Variants in ZNF44 observed in about 807,000 individuals in gnomAD.
The protein encoded by ZNF44 is zinc finger protein 44, also known as gonadotropin inducible transcription repressor-2.
A neutral mutation model predicts 11.7 loss-of-function variants in ZNF44; 9 were observed. The ratio of observed to expected loss-of-function variants is 0.77; its 90% CI spans 0.46 to 1.35. ZNF44 has a LOEUF of 1.35. Ranked by LOEUF, ZNF44 falls within the 40% of genes most tolerant of loss-of-function variation. The pLI is 0.00. For synonymous variants in ZNF44, 224 were observed against 242.7 expected, an observed-to-expected ratio of 0.92 and a Z score of 0.72; for missense variants, 696 against 743.1, an observed-to-expected ratio of 0.94 and a Z score of 0.74.
At chr19:12,255,351 C>T (rs1917204873) in intron 5 of ZNF44, among the ~76,000 whole-genome samples, 2 of 151,796 alleles carry the variant, frequency 1.3e-5, no homozygotes, top group African/African-American at 4.8e-5. Context: ...AAAGCCAGCT[C>T]TTTGAAAAGA....
At chr19:12,260,299 G>C in intron 5 of ZNF44, 1 of 848,410 alleles carries the variant, frequency 1.2e-6, no homozygotes, top group South Asian at 1.4e-5. Context: ...GAGGACAAAG[G>C]TGTGGTGGTG....
intron 6 of ZNF44, chr19:12,242,627 G>A (rs1019875758): frequency 1.4e-5 from 2 of 147,628 alleles, no homozygotes; most frequent in Non-Finnish European, 3.0e-5. Flanking sequence ...AACCTGTCTG[G>A]GCAATATAGT....
At chr19:12,276,243 C>T in intron 1 of ZNF44, 161 bp from the exon 2 acceptor site, 1 of 1,132,444 alleles carries the variant, frequency 8.8e-7, no homozygotes, top group Non-Finnish European at 1.3e-6. Flanking sequence ...CTGTCTGATG[C>T]TGGAATTCTG....
upstream of ZNF44, among the ~76,000 whole-genome samples, chr19:12,238,666 C>T (rs1242137058): frequency 2.0e-5 from 3 of 149,522 alleles, no homozygotes; most frequent in Non-Finnish European, 4.4e-5. Flanking sequence ...CATGGTGGCA[C>T]GTGCCTGTAA....
intron 2 of ZNF44, 96 bp from the exon 3 acceptor site, chr19:12,275,129 T>C (rs1474270910): frequency 1.2e-6 from 1 of 869,038 alleles, no homozygotes; most frequent in Non-Finnish European, 1.7e-6. Flanking sequence ...TATGATTCAT[T>C]CATTGAACTA....
At chr19:12,261,755 C>A (rs530086464) in intron 5 of ZNF44, among the ~76,000 whole-genome samples, 1 of 152,242 alleles carries the variant, frequency 6.6e-6, no homozygotes, top group African/African-American at 2.4e-5. Flanking sequence ...AAGTTATTAT[C>A]AAAACTGGTT....
chr19:12,260,766 C>A (rs1371976985), intron 5 of ZNF44, among the ~76,000 whole-genome samples: 1 of 152,136 alleles, frequency 6.6e-6, no homozygotes, highest in African/African-American at 2.4e-5. Context: ...GAACCTAGAA[C>A]CAGACTTGGT....
intron 5 of ZNF44, among the ~76,000 whole-genome samples, chr19:12,252,548 T>C (rs1917050245): frequency 6.6e-6 from 1 of 152,180 alleles, no homozygotes; most frequent in Non-Finnish European, 1.5e-5. Context: ...AAAGTAATAA[T>C]AGCTACAACA....
chr19:12,236,403 T>A (rs945852553), intron 1 of ZNF44, among the ~76,000 whole-genome samples: 4 of 152,204 alleles, frequency 2.6e-5, no homozygotes, highest in Non-Finnish European at 5.9e-5. Flanking sequence ...GCTTGTAAAT[T>A]ACCAATTTAG....
At chr19:12,257,896 G>A (rs905992421) in intron 5 of ZNF44, among the ~76,000 whole-genome samples, 8 of 151,644 alleles carry the variant, frequency 5.3e-5, no homozygotes, top group East Asian at 1.9e-4. Flanking sequence ...ACTTGAACCC[G>A]GCTGGTGGAG....
intron 1 of ZNF44, among the ~76,000 whole-genome samples, chr19:12,285,981 T>G (rs1389353761): frequency 6.6e-6 from 1 of 151,404 alleles, no homozygotes; most frequent in Non-Finnish European, 1.5e-5. Flanking sequence ...ATCACGCCAC[T>G]GCACTCTAGC....
At chr19:12,266,202 C>T (rs1568437108) in intron 5 of ZNF44, 4 of 967,690 alleles carry the variant, frequency 4.1e-6, no homozygotes, top group Non-Finnish European at 4.9e-6. Flanking sequence ...CGCAGGGAGG[C>T]CCGGGTCCCG....
At chr19:12,229,102 T>G (rs1169491333) in intron 3 of ZNF44, among the ~76,000 whole-genome samples, 6 of 152,216 alleles carry the variant, frequency 3.9e-5, no homozygotes, top group Admixed American at 3.9e-4. Flanking sequence ...AGCACTTATT[T>G]TTTTTGCCAA....
At chr19:12,268,162 A>T (rs904018463), downstream of ZNF44, among the ~76,000 whole-genome samples, 3 of 143,530 alleles carry the variant, frequency 2.1e-5, no homozygotes, top group Non-Finnish European at 4.6e-5. Context: ...ACACACACAC[A>T]CACACACACA....
chr19:12,278,704 G>C (rs977419181), intron 1 of ZNF44, among the ~76,000 whole-genome samples: 4 of 150,930 alleles, frequency 2.7e-5, no homozygotes, highest in Non-Finnish European at 5.9e-5. Context: ...TCAAGTCTGA[G>C]TGAAAGAGTG....
intron 5 of ZNF44, among the ~76,000 whole-genome samples, chr19:12,261,856 T>A (rs1238616212): frequency 1.3e-5 from 2 of 152,204 alleles, no homozygotes; most frequent in African/African-American, 2.4e-5. Context: ...TAGATTTTTT[T>A]AAACCTTTGT....
intron 1 of ZNF44, among the ~76,000 whole-genome samples, chr19:12,282,350 C>G (rs1967506255): frequency 1.3e-5 from 2 of 151,518 alleles, no homozygotes; most frequent in African/African-American, 4.9e-5. Flanking sequence ...AGCTCCCTGC[C>G]AAGATAAAGA....
At chr19:12,266,251 G>A (rs1047775997) in intron 5 of ZNF44, 2 of 985,218 alleles carry the variant, frequency 2.0e-6, no homozygotes, top group Non-Finnish European at 2.4e-6. Context: ...CCCGCGTGTC[G>A]GGACCCCAGC....
At chr19:12,267,050 T>C (rs1209540068), downstream of ZNF44, among the ~76,000 whole-genome samples, 5 of 151,222 alleles carry the variant, frequency 3.3e-5, no homozygotes, top group South Asian at 2.1e-4. Flanking sequence ...TTTCTTTTTT[T>C]TTTTTTTGAG....
Sources: allele counts gnomAD v4.1 joint callset (sites outside exome capture counted in the v4.1 genomes callset), GRCh38; gene constraint gnomAD v4.1.1; transcripts MANE v1.5; gene names NCBI Gene and HGNC (gene_info 2026-07-23, HGNC 2026-07-21).